The following KCNJ12 variants were observed in gnomAD, a reference collection of about 807,000 sequenced individuals.
KCNJ12 encodes the protein ATP-sensitive inward rectifier potassium channel 12.
KCNJ12 carries 2 observed loss-of-function variants against 22.3 expected under a neutral mutation model. The observed-to-expected ratio is 0.09, with a 90% CI of 0.04 to 0.28. The LOEUF is 0.28. Ranked by LOEUF, KCNJ12 falls within the 10% of genes least tolerant of loss-of-function variation. KCNJ12 has a pLI of 1.00. For missense variants in KCNJ12, 155 were observed against 633.3 expected (o/e 0.24, Z 8.11); for synonymous variants, 117 against 261.4 (o/e 0.45, Z 5.33).
At chr17:21,403,421 C>T (rs1358395034) in intron 1 of KCNJ12, among the ~76,000 whole-genome samples, 1 of 152,294 alleles carries the variant, frequency 6.6e-6, no homozygotes, top group African/African-American at 2.4e-5. Context: ...CCAGCCTTTC[C>T]TTTGGTGGTC....
intron 1 of KCNJ12, among the ~76,000 whole-genome samples, chr17:21,401,179 T>C (rs1905603562): frequency 6.6e-6 from 1 of 152,186 alleles, no homozygotes; most frequent in South Asian, 2.1e-4. Flanking sequence ...GCCCCCAGGG[T>C]CCTTGGGCAG....
intron 1 of KCNJ12, among the ~76,000 whole-genome samples, chr17:21,380,797 T>G (rs1904839319): frequency 5.7e-5 from 1 of 17,504 alleles, no homozygotes. Context: ...GGGCCCCAGA[T>G]GGCAGTGGGC....
chr17:21,393,742 G>A (rs117935187), intron 1 of KCNJ12, among the ~76,000 whole-genome samples: 2,276 of 152,328 alleles, frequency 0.015, 23 homozygotes, highest in Non-Finnish European at 0.024. Flanking sequence ...ACAGGGGCCT[G>A]GAAGGCACCA....
chr17:21,381,427 A>G (rs1904863599), intron 1 of KCNJ12, among the ~76,000 whole-genome samples: 1 of 151,500 alleles, frequency 6.6e-6, no homozygotes, highest in Non-Finnish European at 1.5e-5. Flanking sequence ...CCTCCCTGGG[A>G]CCCTCAGGGC....
At chr17:21,399,910 C>T (rs75050283) in intron 1 of KCNJ12, among the ~76,000 whole-genome samples, 1 of 152,164 alleles carries the variant, frequency 6.6e-6, no homozygotes, top group African/African-American at 2.4e-5. Flanking sequence ...GTCACAGTGA[C>T]GAGTGTTCCT....
chr17:21,391,958 G>A (rs8079154), intron 1 of KCNJ12, among the ~76,000 whole-genome samples: 21,741 of 152,268 alleles, frequency 0.14, 3,765 homozygotes, highest in African/African-American at 0.42. Context: ...ATGGCTCCAG[G>A]CTACAGGCTG....
intron 1 of KCNJ12, among the ~76,000 whole-genome samples, chr17:21,387,610 T>C (rs1555558842): frequency 6.6e-6 from 1 of 152,140 alleles, no homozygotes; most frequent in East Asian, 1.9e-4. Flanking sequence ...AGTGGAGCTA[T>C]GAATGGTCCT....
At chr17:21,408,183 A>G (rs1475227634) in intron 1 of KCNJ12, among the ~76,000 whole-genome samples, 4 of 152,310 alleles carry the variant, frequency 2.6e-5, no homozygotes, top group Non-Finnish European at 5.9e-5. Flanking sequence ...AATAGTAACA[A>G]CAATAGTTCC....
At chr17:21,382,508 A>G (rs569571451) in intron 1 of KCNJ12, among the ~76,000 whole-genome samples, 1 of 151,888 alleles carries the variant, frequency 6.6e-6, no homozygotes, top group African/African-American at 2.4e-5. Flanking sequence ...TTTTTGGAAC[A>G]TGACACCCAC....
intron 1 of KCNJ12, among the ~76,000 whole-genome samples, chr17:21,383,761 T>C (rs1178255445): frequency 1.3e-5 from 2 of 152,140 alleles, no homozygotes; most frequent in Non-Finnish European, 2.9e-5. Context: ...GGATGCAGGA[T>C]TTTGGCCTCA....
At chr17:21,407,950 C>T (rs1326168346) in intron 1 of KCNJ12, among the ~76,000 whole-genome samples, 32 of 151,886 alleles carry the variant, frequency 2.1e-4, no homozygotes, top group Admixed American at 1.1e-3. Context: ...ATCCATCCAC[C>T]TACCCATTCA....
chr17:21,405,663 C>T (rs1226859699), intron 1 of KCNJ12, among the ~76,000 whole-genome samples: 3 of 152,300 alleles, frequency 2.0e-5, no homozygotes, highest in Non-Finnish European at 4.4e-5. Context: ...CCTGTTGGCC[C>T]TCAGTCGTGG....
At chr17:21,412,536 C>G (rs1906420750) in intron 2 of KCNJ12, among the ~76,000 whole-genome samples, 1 of 152,308 alleles carries the variant, frequency 6.6e-6, no homozygotes, top group Admixed American at 6.5e-5. Flanking sequence ...AGCTGGTGGC[C>G]TCACGCCGGC....
At chr17:21,383,400 C>T (rs1427701528) in intron 1 of KCNJ12, among the ~76,000 whole-genome samples, 4 of 151,518 alleles carry the variant, frequency 2.6e-5, no homozygotes, top group South Asian at 2.1e-4. Context: ...TGGGGGGCGC[C>T]GAGGCCAGAG....
rs1344184512 is a variant in KCNJ12 at position 21,419,538 on chromosome 17, T to C, written c.*2894T>C. 6.0e-6 allele frequency: 1 copy of C among 167,172 alleles called. No individual in the cohort carries two copies. The highest frequency in any genetic ancestry group is 6.5e-5 in the Admixed American group (1 of 15,286). The allele number at this position is 167,172 out of a possible 1,614,324, so 10.4% of individuals were successfully genotyped here. A position where few individuals can be genotyped will look rare whatever the true frequency, so the allele number is the denominator to read the frequency against. ...GGTGAGCGTGTGCGTCCGGCTCGTGTGTAGGAGGCTGTGTGTGTGCCCATG... is the reference window on the plus strand; with the variant it reads ...GGTGAGCGTGTGCGTCCGGCTCGTGCGTAGGAGGCTGTGTGTGTGCCCATG... On this transcript the variant is annotated 3_prime_UTR_variant, in exon 3 of 3. Coordinates refer to ENST00000583088, the MANE Select transcript of KCNJ12 (RefSeq NM_021012.5).
chr17:21,409,089 T>G (rs1289834041), intron 2 of KCNJ12, among the ~76,000 whole-genome samples: 7 of 152,296 alleles, frequency 4.6e-5, no homozygotes, highest in Admixed American at 3.3e-4. Context: ...TGGGTGCCCC[T>G]CTTTGCTATA....
chr17:21,410,153 C>T (rs1295046636), intron 2 of KCNJ12, among the ~76,000 whole-genome samples: 1 of 152,192 alleles, frequency 6.6e-6, no homozygotes, highest in Non-Finnish European at 1.5e-5. Context: ...CAGGAGTGCC[C>T]CTCCTGGCTG....
chr17:21,402,576 C>G (rs1221522002), intron 1 of KCNJ12, among the ~76,000 whole-genome samples: 1 of 152,312 alleles, frequency 6.6e-6, no homozygotes, highest in Non-Finnish European at 1.5e-5. Context: ...GACTCTACAT[C>G]TCTGAGGTCA....
chr17:21,380,195 T>G (rs1317349), intron 1 of KCNJ12, among the ~76,000 whole-genome samples: 115,582 of 152,126 alleles, frequency 0.76, 44,632 homozygotes, highest in African/African-American at 0.91. Flanking sequence ...AGGACCTAGT[T>G]AAGCCCTGGC....
Sources: gnomAD v4.1 joint callset for allele counts (sites outside exome capture counted in the v4.1 genomes callset) on GRCh38, gnomAD v4.1.1 for gene constraint, MANE v1.5 for transcripts, NCBI Gene and HGNC (gene_info 2026-07-23, HGNC 2026-07-21) for gene names.